Variants in PRDM2 observed in about 807,000 individuals in gnomAD.
The protein encoded by PRDM2 is PR domain zinc finger protein 2.
PRDM2 carries 30 observed loss-of-function variants against 130.0 expected under a neutral mutation model. The observed-to-expected ratio is 0.23, with a 90% CI of 0.17 to 0.31. The LOEUF is 0.31. Among genes scored for constraint, PRDM2 ranks in the 10% least tolerant of loss-of-function variants. PRDM2 has a pLI of 1.00. For missense variants in PRDM2, 2,011 were observed against 2,108.4 expected, an observed-to-expected ratio of 0.95 and a Z score of 0.90; for synonymous variants, 871 against 782.4, an observed-to-expected ratio of 1.11 and a Z score of -1.89.
chr1:13,774,508 G>T (rs959972923), intron 7 of PRDM2, among the ~76,000 whole-genome samples: 1 of 152,226 alleles, frequency 6.6e-6, no homozygotes, highest in Non-Finnish European at 1.5e-5. Context: ...TTAAGACTAA[G>T]TTCTGCCTCC....
rs76215960 is a variant in PRDM2, at chr1:13,803,699, G to A, written c.5037-12728G>A. Among the ~76,000 whole-genome samples the A allele has an allele frequency of 3.1e-3, 475 of 152,280 alleles. 2 individuals are homozygous for A. The highest frequency in any genetic ancestry group is 0.011 in the African/African-American group (452 of 41,552). On this transcript the variant is annotated intron_variant, in intron 8 of 9. Coordinates refer to ENST00000311066, the MANE Select transcript of PRDM2 (RefSeq NM_001393986.1). This position sits in a 1 kb window ranked among gnomAD's most constrained non-coding sequence, Gnocchi z 6.2. ...AGCAAAAGAGGCAGCCACAGCCGGG[G>A]GCTTTCCCCGCGGGCAGGTTCTCCG...
At chr1:13,816,280 C>T in intron 8 of PRDM2, 147 bp from the exon 9 acceptor site, 1 of 938,616 alleles carries the variant, frequency 1.1e-6, no homozygotes, top group Non-Finnish European at 1.6e-6. Flanking sequence ...TAGCTGATGC[C>T]AGGCACCTGG....
chr1:13,783,022 C>T, intron 8 of PRDM2, 191 bp downstream of exon 8: 3 of 1,330,136 alleles, frequency 2.3e-6, no homozygotes, highest in Non-Finnish European at 3.0e-6. Context: ...GTTCTAATTT[C>T]AGACTTAGGA....
Position 13,806,512 on chromosome 1 carries a change from A to G in PRDM2, c.5037-9915A>G, listed in dbSNP as rs1645088775. Among the ~76,000 whole-genome samples the G allele has an allele frequency of 6.6e-6, 1 of 152,148 alleles. No homozygotes were observed. ...TCTCCTGCTGTCCTCCCTATGTGGG[A>G]TGAATGGAAACGGTCCTGCTTGGAG... is the stretch of plus-strand genomic sequence containing the variant. On this transcript the variant is annotated intron_variant, in intron 8 of 9. Transcript: ENST00000311066. This position sits in a 1 kb window ranked among gnomAD's most constrained non-coding sequence, Gnocchi z 4.1.
chr1:13,786,652 A>G, intron 8 of PRDM2: 2 of 1,550,760 alleles, frequency 1.3e-6, no homozygotes, highest in Non-Finnish European at 1.7e-6. Flanking sequence ...AGCTGACTCA[A>G]AAATCCTAAC....
rs774815881 is a variant in PRDM2 at position 13,783,175 on chromosome 1, G to A, written c.5036+344G>A. ...CTTGGGTAATAGCTCAGTGTCATGT[G>A]TCTTATTTTCCGATCATAGAACATT... On this transcript the variant is annotated intron_variant, in intron 8 of 9. Transcript: ENST00000311066. The A allele has an allele frequency of 1.1e-5, 6 of 534,608 alleles. No individual in the cohort carries two copies. The Admixed American group carries it at 1.2e-4, about 11-fold the overall frequency. 33.1% of individuals were successfully genotyped at this position (534,608 alleles called of 1,614,324 possible). A position where few individuals can be genotyped will look rare whatever the true frequency, so the allele number is the denominator to read the frequency against.
intron 6 of PRDM2, among the ~76,000 whole-genome samples, chr1:13,765,540 A>G (rs1221156547): frequency 2.6e-5 from 4 of 151,816 alleles, no homozygotes; most frequent in Non-Finnish European, 4.4e-5. Context: ...ATCTAGGCTC[A>G]CTGCAGCCTC....
chr1:13,733,885 T>C (rs1411800818), intron 4 of PRDM2, among the ~76,000 whole-genome samples: 2 of 152,232 alleles, frequency 1.3e-5, no homozygotes, highest in Admixed American at 6.5e-5. Context: ...GAATCACATC[T>C]GTTTTTTCAC....
At chr1:13,714,060 G>T (rs374906634) in intron 1 of PRDM2, among the ~76,000 whole-genome samples, 3 of 146,734 alleles carry the variant, frequency 2.0e-5, no homozygotes, top group African/African-American at 7.5e-5. Context: ...TAGTAGAGAC[G>T]GGGTTTCACC....
Position 13,749,469 on chromosome 1 carries a change from T to TC in PRDM2, c.498dup (p.Lys167GlnfsTer13). 6.7e-7 allele frequency: 1 copy of TC among 1,482,482 alleles called. No homozygotes were observed. Among genetic ancestry groups the TC allele is most frequent in the East Asian group, 3.0e-5 (1 of 33,776 alleles). 91.8% of individuals were successfully genotyped at this position (1,482,482 alleles called of 1,614,324 possible). A position where few individuals can be genotyped will look rare whatever the true frequency, so the allele number is the denominator to read the frequency against. ...AGCCAGCGCCCGGAGCAAGCGGAGC[T>TC]CCCCCAAGAGCCGGAAAGGTAGGAG... On this transcript the variant is annotated frameshift_variant, in exon 6 of 10. Coordinates refer to ENST00000311066, the MANE Select transcript of PRDM2 (RefSeq NM_001393986.1). LOFTEE classifies it high-confidence loss of function.
chr1:13,740,490 A>G (rs1287664470), intron 4 of PRDM2, among the ~76,000 whole-genome samples: 1 of 152,212 alleles, frequency 6.6e-6, no homozygotes, highest in Admixed American at 6.5e-5. Context: ...AAGTAACTAC[A>G]GTGCACCTTC....
rs1458617913 is a variant in PRDM2, at chr1:13,823,007, G to A, written c.*24-152G>A. Reference sequence around the variant, plus strand: ...CCAGCTCTGCAGGTGTATTCACTGTGAACATTCATCAAGCTGTGCTTTTTG... The same window carrying A: ...CCAGCTCTGCAGGTGTATTCACTGTAAACATTCATCAAGCTGTGCTTTTTG... On this transcript the variant is annotated intron_variant, in intron 9 of 9. Transcript: ENST00000311066. Among the ~76,000 whole-genome samples the A allele has an allele frequency of 2.6e-5, 4 of 152,192 alleles. No individual in the cohort carries two copies. In the East Asian group the frequency reaches 7.7e-4, roughly 29 times the overall value.
At chr1:13,710,305 G>A (rs1033931829) in intron 1 of PRDM2, among the ~76,000 whole-genome samples, 18 of 152,170 alleles carry the variant, frequency 1.2e-4, no homozygotes, top group African/African-American at 3.1e-4. Context: ...CTGGACTTCC[G>A]TGTCAGAAGA....
chr1:13,774,534 C>T (rs756859617), intron 7 of PRDM2, among the ~76,000 whole-genome samples: 1 of 152,084 alleles, frequency 6.6e-6, no homozygotes, highest in African/African-American at 2.4e-5. Flanking sequence ...GCAGGTGTGC[C>T]GAGAGTTTTT....
intron 6 of PRDM2, among the ~76,000 whole-genome samples, chr1:13,751,333 AGACTT>A (rs1420539942): frequency 6.6e-6 from 1 of 152,194 alleles, no homozygotes; most frequent in East Asian, 1.9e-4. Context: ...ATTAATTAAA[AGACTT>A]ATGTTTATGC....
chr1:13,823,794 C>T lies in PRDM2; in HGVS notation c.*659C>T, dbSNP rs941393173. 6.6e-6 allele frequency: 1 copy of T among 152,668 alleles called. No individual in the cohort carries two copies. Among genetic ancestry groups the T allele is most frequent in the African/African-American group, 2.4e-5 (1 of 41,422 alleles). 9.5% of individuals were successfully genotyped at this position (152,668 alleles called of 1,614,324 possible). ...TTGAAATTCTCATCAGTCCATTGCT[C>T]TTGAGTCTTTGCAGAGAACCTCAGA... is the stretch of plus-strand genomic sequence containing the variant. On this transcript the variant is annotated 3_prime_UTR_variant, in exon 10 of 10. Transcript: ENST00000311066.
intron 7 of PRDM2, chr1:13,773,653 A>G (rs1644406173): frequency 6.6e-6 from 1 of 152,266 alleles, no homozygotes; most frequent in African/African-American, 2.4e-5. Flanking sequence ...GTTAGAGGCT[A>G]CATTGAGCTG....
intron 8 of PRDM2, among the ~76,000 whole-genome samples, chr1:13,808,240 C>T (rs1209278913): frequency 1.3e-5 from 2 of 152,000 alleles, no homozygotes; most frequent in South Asian, 2.1e-4. Flanking sequence ...GCCTGTAATC[C>T]CCACACTTTG....
At chr1:13,701,884 G>T (rs1488435564) in intron 1 of PRDM2, among the ~76,000 whole-genome samples, 1 of 152,162 alleles carries the variant, frequency 6.6e-6, no homozygotes, top group Non-Finnish European at 1.5e-5. Context: ...TCTGAAGGTG[G>T]TTTCTTTAAT....
Sources: allele counts gnomAD v4.1 joint callset (sites outside exome capture counted in the v4.1 genomes callset), GRCh38; gene constraint gnomAD v4.1.1; non-coding constraint Gnocchi (gnomAD v3.1); transcripts MANE v1.5; gene names NCBI Gene and HGNC (gene_info 2026-07-23, HGNC 2026-07-21).